Variants in NOS1AP observed in about 807,000 individuals in gnomAD.
NOS1AP encodes the protein carboxyl-terminal PDZ ligand of neuronal nitric oxide synthase protein.
NOS1AP carries 21 observed loss-of-function variants against 56.2 expected under a neutral mutation model. The ratio of observed to expected loss-of-function variants is 0.37; its 90% CI spans 0.26 to 0.54. The LOEUF (loss-of-function observed/expected upper bound fraction) is 0.54. NOS1AP is among the 20% of genes least tolerant of loss of function. The probability of loss-of-function intolerance (pLI) is 0.84; values close to 1 mark genes in which losing one functional copy is unlikely to be tolerated. For synonymous variants in NOS1AP, 270 were observed against 274.6 expected (o/e 0.98, Z 0.17); for missense variants, 522 against 657.8 (o/e 0.79, Z 2.26).
intron 3 of NOS1AP, among the ~76,000 whole-genome samples, chr1:162,291,436 C>A (rs978233587): frequency 6.6e-6 from 1 of 151,974 alleles, no homozygotes; most frequent in Non-Finnish European, 1.5e-5. Context: ...TAGTTTGTTA[C>A]CTTTATCATG....
chr1:162,188,651 G>T lies in NOS1AP; in HGVS notation c.177+34175G>T, dbSNP rs924106493. Among the ~76,000 whole-genome samples the T allele has an allele frequency of 6.6e-6, 1 of 152,230 alleles. No homozygotes were observed. The highest frequency in any genetic ancestry group is 6.5e-5 in the Admixed American group (1 of 15,292). On this transcript the variant is annotated intron_variant, in intron 2 of 9. Coordinates refer to ENST00000361897, the MANE Select transcript of NOS1AP (RefSeq NM_014697.3). This position sits in a 1 kb window ranked among gnomAD's most constrained non-coding sequence, Gnocchi z 4.0. Reference sequence around the variant, plus strand: ...GACAGAGGTGCTTTGAATGTGGGCTGCATGTGTAGTGGTCTTATGTGCCTT... The same window carrying T: ...GACAGAGGTGCTTTGAATGTGGGCTTCATGTGTAGTGGTCTTATGTGCCTT...
intron 2 of NOS1AP, among the ~76,000 whole-genome samples, chr1:162,214,264 C>CGTTT (rs1486384737): frequency 3.7e-4 from 48 of 128,156 alleles, no homozygotes; most frequent in African/African-American, 1.2e-3. Context: ...TTCATTCGTT[C>CGTTT]GTTCGTTCAT....
At chr1:162,145,187 A>T (rs1649409224) in intron 1 of NOS1AP, among the ~76,000 whole-genome samples, 1 of 148,148 alleles carries the variant, frequency 6.8e-6, no homozygotes, top group Non-Finnish European at 1.5e-5. Flanking sequence ...CTCTTAGACT[A>T]CAAATAAATG....
At chr1:162,257,376 C>T (rs964707193) in intron 2 of NOS1AP, among the ~76,000 whole-genome samples, 14 of 151,874 alleles carry the variant, frequency 9.2e-5, no homozygotes, top group African/African-American at 2.9e-4. Context: ...AGACCAGGCA[C>T]GGTGGCTCAT....
intron 2 of NOS1AP, among the ~76,000 whole-genome samples, chr1:162,174,526 T>A (rs1284937108): frequency 1.3e-5 from 2 of 152,060 alleles, no homozygotes; most frequent in Non-Finnish European, 2.9e-5. Flanking sequence ...AACCTGCACG[T>A]TGTGCACATG....
intron 2 of NOS1AP, among the ~76,000 whole-genome samples, chr1:162,275,208 C>T (rs187405514): frequency 1.3e-5 from 2 of 152,194 alleles, no homozygotes; most frequent in East Asian, 1.9e-4. Context: ...GATACGGAGT[C>T]TCACTCTGTC....
At chr1:162,127,622 G>A (rs1249330851) in intron 1 of NOS1AP, among the ~76,000 whole-genome samples, 2 of 152,114 alleles carry the variant, frequency 1.3e-5, no homozygotes, top group East Asian at 1.9e-4. Flanking sequence ...GAGGCCTCAG[G>A]AAACTTAAAA....
At chr1:162,295,802 A>G (rs1655436727) in intron 3 of NOS1AP, among the ~76,000 whole-genome samples, 1 of 152,234 alleles carries the variant, frequency 6.6e-6, no homozygotes, top group Non-Finnish European at 1.5e-5. Flanking sequence ...TAGTGGAGTC[A>G]GCACTAGTCC....
intron 5 of NOS1AP, among the ~76,000 whole-genome samples, chr1:162,333,357 T>A (rs2101796017): frequency 6.6e-6 from 1 of 152,320 alleles, no homozygotes; most frequent in South Asian, 2.1e-4. Context: ...CTACGTGCTC[T>A]GGGATGAGAG....
chr1:162,315,029 C>G (rs1464073055), intron 4 of NOS1AP, among the ~76,000 whole-genome samples: 11 of 152,216 alleles, frequency 7.2e-5, no homozygotes. Flanking sequence ...TCAAAACAAA[C>G]CAATCTCATG....
At chr1:162,108,777 A>G (rs564923989) in intron 1 of NOS1AP, among the ~76,000 whole-genome samples, 87 of 152,208 alleles carry the variant, frequency 5.7e-4, no homozygotes, top group Non-Finnish European at 1.1e-3. Flanking sequence ...TGGGAGTGCA[A>G]TCAGCAACAT....
At chr1:162,230,815 G>A (rs1653098897) in intron 2 of NOS1AP, among the ~76,000 whole-genome samples, 1 of 152,162 alleles carries the variant, frequency 6.6e-6, no homozygotes, top group East Asian at 1.9e-4. Context: ...GTTGTAGCAG[G>A]TGTCGAATTT....
At chr1:162,077,824 TCTC>T (rs1691802979) in intron 1 of NOS1AP, among the ~76,000 whole-genome samples, 1 of 152,046 alleles carries the variant, frequency 6.6e-6, no homozygotes, top group Non-Finnish European at 1.5e-5. Flanking sequence ...ATGTTGTCTT[TCTC>T]CTCCTTTCAC....
chr1:162,112,917 G>C (rs1290873768), intron 1 of NOS1AP, among the ~76,000 whole-genome samples: 1 of 152,138 alleles, frequency 6.6e-6, no homozygotes, highest in Non-Finnish European at 1.5e-5. Flanking sequence ...AATTGCTTTA[G>C]TCTGCAATAA....
chr1:162,297,028 C>T (rs1373707155), intron 3 of NOS1AP, among the ~76,000 whole-genome samples: 1 of 152,230 alleles, frequency 6.6e-6, no homozygotes, highest in Non-Finnish European at 1.5e-5. Flanking sequence ...ATGACAGCCC[C>T]TTGCTGGCTC....
chr1:162,301,380 G>A (rs1213644787), intron 4 of NOS1AP, among the ~76,000 whole-genome samples: 2 of 152,196 alleles, frequency 1.3e-5, no homozygotes, highest in African/African-American at 2.4e-5. Flanking sequence ...CAGCTAGAAG[G>A]TGGGCCCTCA....
At chr1:162,241,407 G>A (rs1215290888) in intron 2 of NOS1AP, among the ~76,000 whole-genome samples, 1 of 152,176 alleles carries the variant, frequency 6.6e-6, no homozygotes, top group African/African-American at 2.4e-5. Context: ...TTCATTTTGG[G>A]AAGAGCATGG....
At chr1:162,303,655 T>C (rs570268285) in intron 4 of NOS1AP, among the ~76,000 whole-genome samples, 1 of 152,304 alleles carries the variant, frequency 6.6e-6, no homozygotes, top group East Asian at 1.9e-4. Context: ...TTGCCCAGGC[T>C]GGTCTTGAAC....
intron 1 of NOS1AP, among the ~76,000 whole-genome samples, chr1:162,118,605 C>T (rs932317960): frequency 1.3e-5 from 2 of 152,184 alleles, no homozygotes; most frequent in Non-Finnish European, 2.9e-5. Context: ...GCTGATATTA[C>T]AGTCAACTTT....
Sources: gnomAD v4.1 joint callset for allele counts (sites outside exome capture counted in the v4.1 genomes callset) on GRCh38, gnomAD v4.1.1 for gene constraint, Gnocchi (gnomAD v3.1) non-coding constraint, MANE v1.5 for transcripts, NCBI Gene and HGNC (gene_info 2026-07-23, HGNC 2026-07-21) for gene names.